Variants in LRRC53 observed in about 807,000 individuals in gnomAD.
The protein encoded by LRRC53 is leucine-rich repeat-containing protein 53.
In LRRC53, 25 loss-of-function variants were observed where a neutral mutation model predicts 13.6. The ratio of observed to expected loss-of-function variants is 1.83; its 90% confidence interval spans 1.34 to 2.56. The LOEUF (loss-of-function observed/expected upper bound fraction) is 2.56, where lower values mean the gene tolerates loss of function less well. LRRC53 is among the 30% of genes most tolerant of loss of function. LRRC53 has a pLI of 0.00. For missense variants in LRRC53, 527 were observed against 275.8 expected (o/e 1.91, Z -6.45); for synonymous variants, 204 against 109.8 (o/e 1.86, Z -5.37).
chr1:74,472,256 C>A, intron 4 of LRRC53, 55 bp from the exon 5 acceptor site: 1 of 707,500 alleles, frequency 1.4e-6, no homozygotes, highest in East Asian at 2.7e-5. Context: ...ATTACCCCAA[C>A]CAAACAGATG....
the LRRC53 span, among the ~76,000 whole-genome samples, chr1:74,534,315 G>C: frequency 1.7e-3 from 264 of 152,232 alleles, 1 homozygote; most frequent in African/African-American, 6.1e-3. Context: ...AGAAGAATGT[G>C]ATTTTAAAAA....
rs1386114855 is a variant in LRRC53 at position 74,470,216 on chromosome 1, T to C, written c.3406A>G (p.Ile1136Val). 2.5e-6 allele frequency: 1 copy of C among 400,602 alleles called. No homozygotes were observed. Among genetic ancestry groups the C allele is most frequent in the Non-Finnish European group, 4.4e-6 (1 of 226,182 alleles). The allele number at this position is 400,602 out of a possible 1,614,324, so 24.8% of individuals were successfully genotyped here. ...LHDASSAEETITAKDLSITSS... is the reference protein window; with the variant it reads ...LHDASSAEETVTAKDLSITSS... ...GTGATACTTAAATCTTTAGCTGTAA[T>C]GGTCTCCTCGGCAGAGCTTGCATCA... The change falls in exon 5 of 5, where the codon ATT becomes GTT. Residue 1136 changes from isoleucine to valine, a missense_variant. Ile to Val is a conservative substitution (Grantham distance 29). Coordinates refer to ENST00000294635, the MANE Select transcript of LRRC53 (RefSeq NM_001382280.1).
At chr1:74,509,772 TTTTTTG>T (rs1670089364) in intron 1 of LRRC53, among the ~76,000 whole-genome samples, 1 of 139,238 alleles carries the variant, frequency 7.2e-6, no homozygotes, top group African/African-American at 2.7e-5. Flanking sequence ...TTTTTTTTTT[TTTTTTG>T]AGACAGGGTC....
rs893530197 is a variant in LRRC53, at chr1:74,470,285, G to C, written c.3337C>G (p.Gln1113Glu). 9.0e-5 allele frequency: 36 copies of C among 400,500 alleles called. No homozygotes were observed. Among genetic ancestry groups the C allele is most frequent in the Middle Eastern group, 6.2e-4 (2 of 3,240 alleles). 24.8% of individuals were successfully genotyped at this position (400,500 alleles called of 1,614,324 possible). Reference sequence around the variant, plus strand: ...CTTGTTCCATTTTCCCAAGTTTGCTGCCTTTCTTTTGTGATGCCTTTTAAG... The same window carrying C: ...CTTGTTCCATTTTCCCAAGTTTGCTCCCTTTCTTTTGTGATGCCTTTTAAG... ...MTLKGITKER[Q>E]QTWENGTSEK... is the part of the protein sequence containing the mutation. The change falls in exon 5 of 5, where the codon CAG (glutamine) becomes GAG (glutamate). Residue 1113 changes from glutamine (Q) to glutamate (E), a missense_variant. Transcript: ENST00000294635.
chr1:74,532,899 G>T, the LRRC53 span, among the ~76,000 whole-genome samples: 1 of 152,002 alleles, frequency 6.6e-6, no homozygotes, highest in Admixed American at 6.6e-5. Flanking sequence ...CCTCACACCT[G>T]ATACAAAAAT....
At chr1:74,521,710 T>C in the LRRC53 span, among the ~76,000 whole-genome samples, 2 of 152,156 alleles carry the variant, frequency 1.3e-5, no homozygotes, top group African/African-American at 4.8e-5. Flanking sequence ...AACAAGCCAT[T>C]TCAGCAAAGC....
chr1:74,531,783 A>T, the LRRC53 span, among the ~76,000 whole-genome samples: 3 of 152,234 alleles, frequency 2.0e-5, no homozygotes, highest in African/African-American at 7.2e-5. Flanking sequence ...TAAGTTAGAG[A>T]TATTCCTCTT....
In LRRC53 at chr1:74,511,033, G is replaced by A. The variant is rs1054885591; in HGVS notation, c.-27+1493C>T. ...CTCCCAAGTAGCTGGAATTACAGGC[G>A]TCTGCCACCATGCCCAGCTAATGTT... On this transcript the variant is annotated intron_variant, in intron 1 of 4. Coordinates refer to ENST00000294635, the MANE Select transcript of LRRC53 (RefSeq NM_001382280.1). Among the ~76,000 whole-genome samples the A allele has an allele frequency of 4.5e-4, 68 of 150,808 alleles. 1 individual carries two copies. Among genetic ancestry groups the A allele is most frequent in the Admixed American group, 5.3e-4 (8 of 15,104 alleles).
At chr1:74,513,919 G>T (rs1452765648), upstream of LRRC53, among the ~76,000 whole-genome samples, 1 of 152,160 alleles carries the variant, frequency 6.6e-6, no homozygotes, top group African/African-American at 2.4e-5. Flanking sequence ...GGTGCTGACA[G>T]ACCTTTGTTT....
the LRRC53 span, among the ~76,000 whole-genome samples, chr1:74,521,033 T>A: frequency 6.6e-6 from 1 of 152,146 alleles, no homozygotes; most frequent in African/African-American, 2.4e-5. Flanking sequence ...CTGCTCTGGT[T>A]GCCCTGACTG....
intron 1 of LRRC53, among the ~76,000 whole-genome samples, chr1:74,504,165 C>G (rs754878003): frequency 2.0e-5 from 3 of 152,220 alleles, no homozygotes; most frequent in African/African-American, 4.8e-5. Context: ...TGCTAGTGCC[C>G]TCTGCATTGC....
chr1:74,508,830 A>C (rs1183922502), intron 1 of LRRC53, among the ~76,000 whole-genome samples: 1 of 152,190 alleles, frequency 6.6e-6, no homozygotes, highest in Non-Finnish European at 1.5e-5. Context: ...TCTGCCTTTA[A>C]GAACAGTGTA....
At chr1:74,472,344 A>G (rs1667977832) in intron 4 of LRRC53, 143 bp from the exon 5 acceptor site, 2 of 591,422 alleles carry the variant, frequency 3.4e-6, no homozygotes, top group Admixed American at 3.0e-5. Context: ...TTTGTAACCA[A>G]ACCTACAAAG....
chr1:74,513,346 C>A (rs1374858993), upstream of LRRC53, among the ~76,000 whole-genome samples: 1 of 152,138 alleles, frequency 6.6e-6, no homozygotes, highest in African/African-American at 2.4e-5. Context: ...AGAGTGAGTC[C>A]ATGAAATGTT....
At chr1:74,535,645 C>T in the LRRC53 span, among the ~76,000 whole-genome samples, 1 of 152,160 alleles carries the variant, frequency 6.6e-6, no homozygotes, top group African/African-American at 2.4e-5. Flanking sequence ...GTATCCCCTA[C>T]TAGAACAATT....
At chr1:74,489,193 G>T in intron 1 of LRRC53, 1 of 1,610,632 alleles carries the variant, frequency 6.2e-7, no homozygotes, top group South Asian at 1.1e-5. Flanking sequence ...TTACAGGGAA[G>T]ACCCGAATTT....
chr1:74,520,770 A>C, the LRRC53 span, among the ~76,000 whole-genome samples: 11 of 152,168 alleles, frequency 7.2e-5, no homozygotes, highest in Non-Finnish European at 1.5e-5. Context: ...TAAAGAAAAC[A>C]GTCCCCTTTG....
intron 1 of LRRC53, among the ~76,000 whole-genome samples, chr1:74,487,629 T>A (rs912051745): frequency 6.6e-6 from 1 of 151,784 alleles, no homozygotes; most frequent in South Asian, 2.1e-4. Context: ...AAATGAAATA[T>A]AAGGTAAAGG....
rs1668432880 is a variant in LRRC53, at chr1:74,480,475, G to C, written c.582C>G (p.Ala194=). 2.8e-6 allele frequency: 2 copies of C among 717,394 alleles called. No individual in the cohort carries two copies. The highest frequency in any genetic ancestry group is 2.6e-6 in the Non-Finnish European group (1 of 385,112). The allele number at this position is 717,394 out of a possible 1,614,324, so 44.4% of individuals were successfully genotyped here. Residue 194 remains alanine, a synonymous_variant, in exon 3 of 5, where the codon GCC becomes GCG. Coordinates refer to ENST00000294635, the MANE Select transcript of LRRC53 (RefSeq NM_001382280.1). ...GTGGAGTAAACACATCCGGCATGTG[G>C]GCTAACCTATTTCGGGAAAGGTCCA... The part of the protein sequence containing the change: ...QEVDLSRNRL[A]HMPDVFTPLK...
Sources: allele counts gnomAD v4.1 joint callset (sites outside exome capture counted in the v4.1 genomes callset), GRCh38; gene constraint gnomAD v4.1.1; transcripts MANE v1.5; gene names NCBI Gene and HGNC (gene_info 2026-07-23, HGNC 2026-07-21).